PRKCB: variants seen among roughly 807,000 people sequenced by gnomAD.
PRKCB encodes the protein protein kinase C beta type.
In PRKCB, 13 loss-of-function variants were observed where a neutral mutation model predicts 81.5. The observed-to-expected ratio is 0.16, with a 90% CI of 0.10 to 0.25. The LOEUF (loss-of-function observed/expected upper bound fraction) is 0.25. PRKCB is among the 10% of genes least tolerant of loss of function. PRKCB has a pLI of 1.00. For synonymous variants in PRKCB, 335 were observed against 321.4 expected (o/e 1.04, Z -0.45); for missense variants, 509 against 875.7 (o/e 0.58, Z 5.29).
At position 23,916,826 on chromosome 16, in the gene PRKCB, C is replaced by A. The variant is rs924506629; in HGVS notation, c.206-71682C>A. On this transcript the variant is annotated intron_variant, in intron 2 of 16. Transcript: ENST00000643927. ...CCAGGCTGGAGTGCAGTGGTGTGAT[C>A]TTGGCTCACTGCAGCCTCTGCCTCC... Among the ~76,000 whole-genome samples the A allele has an allele frequency of 5.3e-5, 8 of 151,966 alleles. No homozygotes were observed. The East Asian group carries it at 1.5e-3, about 29-fold the overall frequency.
At position 23,903,356 on chromosome 16, in the gene PRKCB, A is replaced by G. The variant is rs148589441; in HGVS notation, c.205+65950A>G. Among the ~76,000 whole-genome samples, 226 of 152,142 alleles carry G rather than the reference A, an allele frequency of 1.5e-3. 1 individual carries two copies. The highest frequency in any genetic ancestry group is 5.2e-3 in the African/African-American group (215 of 41,482). On this transcript the variant is annotated intron_variant, in intron 2 of 16. Coordinates refer to ENST00000643927, the MANE Select transcript of PRKCB (RefSeq NM_002738.7). ...GTCCTAGTTTTTTCTAAGCGTATGG[A>G]GACAGGTCTGCTCCGTACATCTGGG...
chr16:24,040,539 C>G (rs901756711), intron 5 of PRKCB, among the ~76,000 whole-genome samples: 27 of 152,184 alleles, frequency 1.8e-4, no homozygotes, highest in Admixed American at 1.4e-3. Context: ...GTCTGCATCT[C>G]ATCACAAGGC....
At chr16:23,952,437 A>T (rs982960039) in intron 2 of PRKCB, among the ~76,000 whole-genome samples, 3 of 152,096 alleles carry the variant, frequency 2.0e-5, no homozygotes, top group African/African-American at 7.2e-5. Context: ...GGACCTGTGT[A>T]TGTGTGTGGG....
chr16:24,059,523 C>G (rs1409976342), intron 5 of PRKCB, among the ~76,000 whole-genome samples: 1 of 151,540 alleles, frequency 6.6e-6, no homozygotes, highest in Admixed American at 6.6e-5. Flanking sequence ...TTTAATGTAG[C>G]CAGTGTGGTG....
chr16:24,125,625 T>A (rs1966842124), intron 9 of PRKCB, among the ~76,000 whole-genome samples: 1 of 152,216 alleles, frequency 6.6e-6, no homozygotes, highest in South Asian at 2.1e-4. Context: ...CTTGTGTCCT[T>A]GTTGATTTTT....
At chr16:24,191,395 G>T in intron 16 of PRKCB, 165 bp downstream of exon 16, 2 of 718,602 alleles carry the variant, frequency 2.8e-6, no homozygotes, top group Non-Finnish European at 4.4e-6. Flanking sequence ...TACTAAGATG[G>T]ACATTTTCCA....
intron 2 of PRKCB, among the ~76,000 whole-genome samples, chr16:23,873,239 G>A (rs1002902729): frequency 1.3e-5 from 2 of 150,632 alleles, no homozygotes; most frequent in Non-Finnish European, 3.0e-5. Context: ...GTGTGGTGGT[G>A]GGCGCCTGTA....
At chr16:23,930,479 G>A (rs1457164093) in intron 2 of PRKCB, among the ~76,000 whole-genome samples, 1 of 152,064 alleles carries the variant, frequency 6.6e-6, no homozygotes, top group Admixed American at 6.5e-5. Flanking sequence ...TGAGGTGGGA[G>A]AACTACTTGG....
intron 2 of PRKCB, among the ~76,000 whole-genome samples, chr16:23,935,703 A>G (rs1964048750): frequency 6.6e-6 from 1 of 152,248 alleles, no homozygotes. Flanking sequence ...GTCATAAAAG[A>G]GAATGAAATC....
In PRKCB at chr16:23,911,128, CTTTTTT is replaced by C. The variant is rs567904157; in HGVS notation, c.205+73742_205+73747del. Among the ~76,000 whole-genome samples, 63 of 31,556 alleles carry C rather than the reference CTTTTTT, an allele frequency of 2.0e-3. 1 individual carries two copies. The highest frequency in any genetic ancestry group is 2.7e-3 in the Non-Finnish European group (50 of 18,656). 20.7% of individuals were successfully genotyped at this position (31,556 alleles called of 152,430 possible). A position where few individuals can be genotyped will look rare whatever the true frequency, so the allele number is the denominator to read the frequency against. ...ATAAATAGCCATAAACGTATATATG[CTTTTTT>C]TTTTTTTTTTTTTTTTTTTGAGACA... On this transcript the variant is annotated intron_variant, in intron 2 of 16. Transcript: ENST00000643927.
At chr16:23,997,800 G>A (rs930062211) in intron 3 of PRKCB, among the ~76,000 whole-genome samples, 3 of 152,284 alleles carry the variant, frequency 2.0e-5, no homozygotes, top group African/African-American at 4.8e-5. Context: ...AAGTCTAATT[G>A]TATCACATCA....
chr16:24,181,487 C>T (rs1596586120), intron 13 of PRKCB, among the ~76,000 whole-genome samples: 2 of 152,098 alleles, frequency 1.3e-5, no homozygotes, highest in Admixed American at 1.3e-4. Flanking sequence ...AAATACAAGG[C>T]CAGGTGTGGC....
At chr16:24,019,931 C>T (rs2141843771) in intron 3 of PRKCB, among the ~76,000 whole-genome samples, 1 of 152,292 alleles carries the variant, frequency 6.6e-6, no homozygotes, top group Non-Finnish European at 1.5e-5. Flanking sequence ...CTACCCTAAA[C>T]AGGGCTTCAG....
At chr16:24,152,070 C>T (rs961374791) in intron 9 of PRKCB, among the ~76,000 whole-genome samples, 2 of 152,156 alleles carry the variant, frequency 1.3e-5, no homozygotes, top group Middle Eastern at 3.4e-3. Context: ...GTGCCTTGAC[C>T]GGTGGTGATG....
intron 13 of PRKCB, among the ~76,000 whole-genome samples, chr16:24,184,701 CG>C (rs1158703667): frequency 6.6e-6 from 1 of 152,004 alleles, no homozygotes; most frequent in Non-Finnish European, 1.5e-5. Flanking sequence ...ATCTCTTAAA[CG>C]TTTTTATGTT....
At chr16:24,124,606 C>T (rs117343233) in intron 9 of PRKCB, among the ~76,000 whole-genome samples, 178 of 152,226 alleles carry the variant, frequency 1.2e-3, no homozygotes, top group Non-Finnish European at 2.0e-3. Context: ...TGTTTCTGGA[C>T]GCTTTTATAG....
chr16:23,936,935 T>C (rs543285390), intron 2 of PRKCB, among the ~76,000 whole-genome samples: 42 of 152,298 alleles, frequency 2.8e-4, no homozygotes, highest in Admixed American at 2.5e-3. Context: ...TAGAGTATCT[T>C]TAGCGACGGG....
Position 24,214,991 on chromosome 16 carries a change from G to A in PRKCB, c.*175G>A. 3 of 1,435,844 alleles carry A rather than the reference G, an allele frequency of 2.1e-6. No individual in the cohort carries two copies. The highest frequency in any genetic ancestry group is 2.7e-6 in the Non-Finnish European group (3 of 1,099,164). The allele number at this position is 1,435,844 out of a possible 1,614,324, so 88.9% of individuals were successfully genotyped here. A position where few individuals can be genotyped will look rare whatever the true frequency, so the allele number is the denominator to read the frequency against. ...CAGGTAGTTTGGAGCATCTCTATGA[G>A]ATGGGATTATGCAGATGGCCTATGG... On this transcript the variant is annotated 3_prime_UTR_variant, in exon 17 of 17. Coordinates refer to ENST00000643927, the MANE Select transcript of PRKCB (RefSeq NM_002738.7).
chr16:23,997,340 A>G (rs1298996683), intron 3 of PRKCB, among the ~76,000 whole-genome samples: 1 of 152,240 alleles, frequency 6.6e-6, no homozygotes, highest in Non-Finnish European at 1.5e-5. Context: ...GATCAATGAA[A>G]AACTACAACA....
Sources: gnomAD v4.1 joint callset for allele counts (sites outside exome capture counted in the v4.1 genomes callset) on GRCh38, gnomAD v4.1.1 for gene constraint, MANE v1.5 for transcripts, NCBI Gene and HGNC (gene_info 2026-07-23, HGNC 2026-07-21) for gene names.